NGLY1: variants seen among roughly 807,000 people sequenced by gnomAD.
NGLY1 encodes peptide-N(4)-(N-acetyl-beta-glucosaminyl)asparagine amidase.
Under a neutral mutation model 84.6 loss-of-function variants are expected in NGLY1, and 68 were observed. That is an observed-to-expected ratio of 0.80 (90% CI 0.66 to 0.98). NGLY1 has a LOEUF of 0.98. Among genes scored for constraint, NGLY1 ranks in the 50% least tolerant of loss-of-function variants. The probability of loss-of-function intolerance (pLI) is 0.00; values close to 1 mark genes in which losing one functional copy is unlikely to be tolerated. For missense variants in NGLY1, 779 were observed against 770.2 expected (o/e 1.01, Z -0.14); for synonymous variants, 280 against 275.2 (o/e 1.02, Z -0.17).
At chr3:25,778,347 C>A (rs1232549515) in intron 2 of NGLY1, 2 of 352,250 alleles carry the variant, frequency 5.7e-6, no homozygotes, top group Non-Finnish European at 1.0e-5. Flanking sequence ...TTTTAAAGAA[C>A]TGAGACTCGT....
chr3:25,732,526 A>T, intron 8 of NGLY1, 43 bp from the exon 9 acceptor site: 13 of 1,512,238 alleles, frequency 8.6e-6, no homozygotes, highest in Non-Finnish European at 1.2e-5. Context: ...GATTAGGGGA[A>T]TGTATAGGTC....
At chr3:25,762,142 T>C (rs191949888) in intron 3 of NGLY1, among the ~76,000 whole-genome samples, 3 of 152,136 alleles carry the variant, frequency 2.0e-5, no homozygotes, top group African/African-American at 7.2e-5. Context: ...TTTTACTTGA[T>C]ATAGTTTTAA....
chr3:25,754,083 A>G (rs997740121), intron 3 of NGLY1, among the ~76,000 whole-genome samples: 2 of 152,230 alleles, frequency 1.3e-5, no homozygotes, highest in African/African-American at 4.8e-5. Context: ...AGACCAAAAT[A>G]GATATGGACA....
chr3:25,759,212 A>G (rs1490488371), intron 3 of NGLY1, among the ~76,000 whole-genome samples: 1 of 152,138 alleles, frequency 6.6e-6, no homozygotes, highest in Non-Finnish European at 1.5e-5. Flanking sequence ...ATTACAGAAG[A>G]GATGGGTACA....
chr3:25,774,702 G>T (rs1196194415), intron 2 of NGLY1, among the ~76,000 whole-genome samples: 2 of 152,056 alleles, frequency 1.3e-5, no homozygotes, highest in African/African-American at 4.8e-5. Context: ...TTTTGCCCCA[G>T]GCTACAAGTC....
intron 10 of NGLY1, among the ~76,000 whole-genome samples, chr3:25,726,311 A>C (rs545006763): frequency 6.6e-6 from 1 of 152,364 alleles, no homozygotes; most frequent in South Asian, 2.1e-4. Flanking sequence ...TGAGAGTACA[A>C]AAGTGAGTAG....
chr3:25,784,390 C>T (rs1708557776), upstream of NGLY1, among the ~76,000 whole-genome samples: 1 of 152,168 alleles, frequency 6.6e-6, no homozygotes, highest in Admixed American at 6.5e-5. Context: ...ATTTGCATCC[C>T]ACACAGTAAG....
rs1704863380 is a variant in NGLY1 at position 25,719,426 on chromosome 3, G to C, written c.*34C>G. ...CAACAGACTACTTCAGTAAGTCCTT[G>C]ATTATTGCCAGCTTTTCTATAATGT... On this transcript the variant is annotated 3_prime_UTR_variant, in exon 12 of 12. Transcript: ENST00000280700. 2.5e-6 allele frequency: 4 copies of C among 1,597,564 alleles called. No homozygotes were observed. The highest frequency in any genetic ancestry group is 3.4e-6 in the Non-Finnish European group (4 of 1,166,942).
At chr3:25,774,989 C>A (rs1467815885) in intron 2 of NGLY1, among the ~76,000 whole-genome samples, 3 of 152,168 alleles carry the variant, frequency 2.0e-5, no homozygotes, top group African/African-American at 7.2e-5. Flanking sequence ...GCTTGTTCTA[C>A]TTTTATATTT....
chr3:25,761,513 T>C (rs1211543994), intron 3 of NGLY1, among the ~76,000 whole-genome samples: 5 of 152,188 alleles, frequency 3.3e-5, no homozygotes, highest in Admixed American at 2.6e-4. Flanking sequence ...CAAAATGAAC[T>C]ACTACTTAAC....
At chr3:25,724,723 G>C (rs947606026) in intron 10 of NGLY1, among the ~76,000 whole-genome samples, 2 of 151,964 alleles carry the variant, frequency 1.3e-5, no homozygotes, top group Non-Finnish European at 2.9e-5. Context: ...TGCTTTTGAA[G>C]ACACTATTTC....
Position 25,751,098 on chromosome 3 carries a change from C to A in NGLY1, c.658G>T (p.Gly220Cys), listed in dbSNP as rs1265492821. 1 of 1,609,790 alleles carries A rather than the reference C, an allele frequency of 6.2e-7. No individual in the cohort carries two copies. The highest frequency in any genetic ancestry group is 8.5e-7 in the Non-Finnish European group (1 of 1,178,554). Residue 220 changes from glycine to cysteine, a missense_variant and splice_region_variant, in exon 4 of 12, where the codon GGT (glycine) becomes TGT (cysteine). Physicochemically the swap from Gly to Cys is radical, Grantham distance 159. Coordinates refer to ENST00000280700, the MANE Select transcript of NGLY1 (RefSeq NM_018297.4). Reference protein sequence around the residue: ...KLSRARKLDKGINISDEDFLL... With the variant: ...KLSRARKLDKCINISDEDFLL... ...ATAAATGATTATGTAAAGCTACTAC[C>A]TTTATCCAATTTTCTAGCTCTCGAT...
intron 2 of NGLY1, among the ~76,000 whole-genome samples, chr3:25,774,642 TCCA>T (rs1314949319): frequency 6.6e-6 from 1 of 152,148 alleles, no homozygotes; most frequent in African/African-American, 2.4e-5. Flanking sequence ...CCCACCATGC[TCCA>T]CCAATAGCAC....
intron 10 of NGLY1, among the ~76,000 whole-genome samples, chr3:25,726,621 T>G (rs1341509448): frequency 6.6e-6 from 1 of 152,156 alleles, no homozygotes; most frequent in Non-Finnish European, 1.5e-5. Context: ...GGTAGCACAG[T>G]GCAAGGCAAA....
chr3:25,729,262 G>T lies in NGLY1; in HGVS notation c.1482C>A (p.His494Gln), dbSNP rs1006571126. Residue 494 changes from histidine (H) to glutamine (Q), a missense_variant, in exon 10 of 12, where the codon CAC (histidine) becomes CAA (glutamine). By Grantham distance (24) the His-to-Gln change is conservative. Transcript: ENST00000280700. ...CENEKISKQL[H>Q]LCYNIVKDRY... is the part of the protein sequence containing the mutation. ...GATCTTTCACAATATTGTAACAAAGGTGGAGCTGTTTAGAAATCTTCTCAT... is the reference window on the plus strand; with the variant it reads ...GATCTTTCACAATATTGTAACAAAGTTGGAGCTGTTTAGAAATCTTCTCAT... 1 of 1,537,394 alleles carries T rather than the reference G, an allele frequency of 6.5e-7. No homozygotes were observed. The highest frequency in any genetic ancestry group is 1.4e-5 in the African/African-American group (1 of 72,348).
chr3:25,735,809 G>T, intron 7 of NGLY1, 195 bp downstream of exon 7: 1 of 469,000 alleles, frequency 2.1e-6, no homozygotes, highest in African/African-American at 2.0e-5. Flanking sequence ...CAGGTGAAAT[G>T]GTAAACTATG....
chr3:25,780,977 T>C lies in NGLY1; in HGVS notation c.131+2283A>G, dbSNP rs192609233. ...TTCCTCTTTAGTTTCTAGTGAGCAT[T>C]TTTTTTTTCTTTTTTGAGAAAGGTC... On this transcript the variant is annotated intron_variant, in intron 1 of 11. Coordinates refer to ENST00000280700, the MANE Select transcript of NGLY1 (RefSeq NM_018297.4). 2.6e-5 allele frequency among the ~76,000 whole-genome samples: 4 copies of C among 151,518 alleles called. No homozygotes were observed. In the East Asian group the frequency reaches 7.7e-4, roughly 29 times the overall value.
chr3:25,722,268 T>TACACAC (rs1235251892), intron 10 of NGLY1, among the ~76,000 whole-genome samples: 2 of 66,856 alleles, frequency 3.0e-5, no homozygotes, highest in Non-Finnish European at 1.1e-4. Flanking sequence ...AAGATCTGTA[T>TACACAC]ACACACATAT....
At chr3:25,732,534 G>GGGAATA in intron 8 of NGLY1, 51 bp from the exon 9 acceptor site, 1 of 1,410,252 alleles carries the variant, frequency 7.1e-7, no homozygotes, top group Non-Finnish European at 9.7e-7. Context: ...GAATGTATAG[G>GGGAATA]TCCATCTCTA....
Sources: gnomAD v4.1 joint callset for allele counts (sites outside exome capture counted in the v4.1 genomes callset) on GRCh38, gnomAD v4.1.1 for gene constraint, MANE v1.5 for transcripts, NCBI Gene and HGNC (gene_info 2026-07-23, HGNC 2026-07-21) for gene names.